The following TJP1 variants were observed in gnomAD, a reference collection of about 807,000 sequenced individuals.
TJP1 encodes tight junction protein ZO-1.
A neutral mutation model predicts 194.2 loss-of-function variants in TJP1; 43 were observed. The observed-to-expected ratio is 0.22, with a 90% confidence interval of 0.17 to 0.29. The LOEUF (loss-of-function observed/expected upper bound fraction) is 0.29. TJP1 is among the 10% of genes least tolerant of loss of function. The pLI, the probability that TJP1 is intolerant of heterozygous loss-of-function variation, is 1.00. For synonymous variants in TJP1, 801 were observed against 779.0 expected (o/e 1.03, Z -0.47); for missense variants, 1,971 against 2,185.7 (o/e 0.90, Z 1.96).
At position 29,903,532 on chromosome 15, in the gene TJP1, C is replaced by T. The variant is rs2053702133; in HGVS notation, c.306+52700G>A. Among the ~76,000 whole-genome samples, 4 of 152,134 alleles carry T rather than the reference C, an allele frequency of 2.6e-5. No homozygotes were observed. The South Asian group carries it at 8.3e-4, about 32-fold the overall frequency. On this transcript the variant is annotated intron_variant, in intron 2 of 28. Coordinates refer to the TJP1 transcript ENST00000356107. The stretch of plus-strand genomic sequence containing the variant: ...TGATCTCGGCTCACTGCAACCTCTG[C>T]CTCCCGGGTTCACGCCATTCTCCTG...
intron 2 of TJP1, among the ~76,000 whole-genome samples, chr15:29,831,631 C>G (rs1396013973): frequency 1.3e-5 from 2 of 152,140 alleles, no homozygotes; most frequent in African/African-American, 4.8e-5. Context: ...ATGTGGATTT[C>G]TTTTCAAATC....
Position 29,772,046 on chromosome 15 carries a change from C to T in TJP1, c.312+18G>A. 1.3e-6 allele frequency: 2 copies of T among 1,515,656 alleles called. No individual in the cohort carries two copies. Among genetic ancestry groups the T allele is most frequent in the Non-Finnish European group, 1.8e-6 (2 of 1,108,548 alleles). 93.9% of individuals were successfully genotyped at this position (1,515,656 alleles called of 1,614,324 possible). A position where few individuals can be genotyped will look rare whatever the true frequency, so the allele number is the denominator to read the frequency against. On this transcript the variant is annotated intron_variant, in intron 4 of 27. Transcript: ENST00000614355. Reference sequence around the variant, plus strand: ...AAGTTGGGGTACCTTTACTAAATTACAGAGAAAAGATACTTACAATTTTTG... The same window carrying T: ...AAGTTGGGGTACCTTTACTAAATTATAGAGAAAAGATACTTACAATTTTTG...
chr15:29,876,422 G>C (rs1299747403), intron 2 of TJP1, among the ~76,000 whole-genome samples: 1 of 152,062 alleles, frequency 6.6e-6, no homozygotes, highest in African/African-American at 2.4e-5. Context: ...TCAGGAGGCT[G>C]AGACAGGAGA....
intron 8 of TJP1, among the ~76,000 whole-genome samples, chr15:29,748,384 C>T (rs907930488): frequency 2.0e-5 from 3 of 152,040 alleles, no homozygotes; most frequent in African/African-American, 4.8e-5. Flanking sequence ...AGAGTTACAG[C>T]ACAAAATAAA....
At chr15:29,715,064 CT>C (rs2042480357) in intron 23 of TJP1, among the ~76,000 whole-genome samples, 2 of 152,190 alleles carry the variant, frequency 1.3e-5, no homozygotes, top group Non-Finnish European at 2.9e-5. Flanking sequence ...TTAGATGTTA[CT>C]GTGATAACTG....
chr15:29,938,623 C>T (rs1278320985), intron 2 of TJP1, among the ~76,000 whole-genome samples: 1 of 152,176 alleles, frequency 6.6e-6, no homozygotes, highest in African/African-American at 2.4e-5. Flanking sequence ...ATATAAATCA[C>T]CTTCGAATAA....
intron 8 of TJP1, among the ~76,000 whole-genome samples, chr15:29,751,223 G>C (rs561319501): frequency 9.2e-5 from 14 of 152,210 alleles, no homozygotes; most frequent in Non-Finnish European, 2.1e-4. Context: ...TGCCCAGGAA[G>C]TATGCTGAGA....
intron 2 of TJP1, among the ~76,000 whole-genome samples, chr15:29,932,536 G>A (rs539524019): frequency 6.6e-6 from 1 of 151,882 alleles, no homozygotes; most frequent in Non-Finnish European, 1.5e-5. Context: ...AAAAAAATAT[G>A]GGAGAACATC....
rs751850756 is a variant in TJP1 at position 29,772,185 on chromosome 15, A to G, written c.210-19T>C. The stretch of plus-strand genomic sequence containing the variant: ...ATTTTCCCTAAGGGGAAAAGGGCAC[A>G]AAATAATATGTTAGAGAAAAACATT... On this transcript the variant is annotated intron_variant, in intron 3 of 27. Transcript: ENST00000614355. The G allele has an allele frequency of 5.5e-6, 8 of 1,454,960 alleles. No homozygotes were observed. The highest frequency in any genetic ancestry group is 6.6e-6 in the Non-Finnish European group (7 of 1,053,570). The allele number at this position is 1,454,960 out of a possible 1,614,324, so 90.1% of individuals were successfully genotyped here.
chr15:29,818,415 ACTTT>A (rs976973795), intron 1 of TJP1, among the ~76,000 whole-genome samples: 168 of 152,330 alleles, frequency 1.1e-3, no homozygotes, highest in African/African-American at 3.8e-3. Flanking sequence ...TTGTTTTTCA[ACTTT>A]CTAATAATCT....
At chr15:29,876,960 A>G (rs905688338) in intron 2 of TJP1, among the ~76,000 whole-genome samples, 2 of 152,194 alleles carry the variant, frequency 1.3e-5, no homozygotes. Context: ...AAAATGCTCA[A>G]GAAATGGAAG....
intron 2 of TJP1, among the ~76,000 whole-genome samples, chr15:29,948,262 A>C (rs79438747): frequency 0.029 from 2,322 of 80,454 alleles, 67 homozygotes; most frequent in African/African-American, 0.11. Context: ...CTCCATCACA[A>C]AAAAAAAAAA....
intron 2 of TJP1, among the ~76,000 whole-genome samples, chr15:29,944,202 C>T: frequency 6.6e-6 from 1 of 151,872 alleles, no homozygotes; most frequent in Non-Finnish European, 1.5e-5. Flanking sequence ...ATGCCACTCT[C>T]CTGCCTCTGC....
At chr15:29,757,895 C>T (rs1424973861) in intron 8 of TJP1, among the ~76,000 whole-genome samples, 4 of 152,140 alleles carry the variant, frequency 2.6e-5, no homozygotes, top group African/African-American at 9.7e-5. Flanking sequence ...CTCTGCCACC[C>T]ATGATACAGA....
At chr15:29,967,722 GCAGGAATTA>G (rs1054064949) in intron 1 of TJP1, among the ~76,000 whole-genome samples, 4 of 152,136 alleles carry the variant, frequency 2.6e-5, no homozygotes, top group African/African-American at 9.7e-5. Context: ...GTCTTATAGA[GCAGGAATTA>G]CTTTCCTCAT....
chr15:29,927,568 C>G (rs1190010235), intron 2 of TJP1, among the ~76,000 whole-genome samples: 2 of 152,072 alleles, frequency 1.3e-5, no homozygotes, highest in African/African-American at 2.4e-5. Context: ...CAGATTAACT[C>G]CCCCTCTGAA....
intron 2 of TJP1, among the ~76,000 whole-genome samples, chr15:29,949,399 C>T (rs1430175221): frequency 7.1e-6 from 1 of 140,212 alleles, no homozygotes; most frequent in Non-Finnish European, 1.5e-5. Flanking sequence ...CCACCACCAC[C>T]TCCACAACCA....
At chr15:29,856,226 T>C (rs915114198) in intron 2 of TJP1, among the ~76,000 whole-genome samples, 1 of 152,144 alleles carries the variant, frequency 6.6e-6, no homozygotes, top group South Asian at 2.1e-4. Flanking sequence ...CCGGGCAACA[T>C]AGTGAGACCC....
At chr15:29,750,947 G>GT (rs2045235648) in intron 8 of TJP1, among the ~76,000 whole-genome samples, 1 of 152,180 alleles carries the variant, frequency 6.6e-6, no homozygotes, top group Non-Finnish European at 1.5e-5. Context: ...GTATTCCAAA[G>GT]TTTTTTCCAC....
Sources: allele counts gnomAD v4.1 joint callset (sites outside exome capture counted in the v4.1 genomes callset), GRCh38; gene constraint gnomAD v4.1.1; transcripts MANE v1.5; gene names NCBI Gene and HGNC (gene_info 2026-07-23, HGNC 2026-07-21).